Variants in AOAH observed in about 807,000 individuals in gnomAD.
AOAH encodes acyloxyacyl hydrolase (neutrophil).
A neutral mutation model predicts 92.2 loss-of-function variants in AOAH; 64 were observed. That is an observed-to-expected ratio of 0.69 (90% CI 0.57 to 0.86). The LOEUF (loss-of-function observed/expected upper bound fraction) is 0.86. AOAH is among the 40% of genes least tolerant of loss of function. The pLI is 0.00. For synonymous variants in AOAH, 263 were observed against 254.5 expected, an observed-to-expected ratio of 1.03 and a Z score of -0.32; for missense variants, 656 against 694.6, an observed-to-expected ratio of 0.94 and a Z score of 0.62.
chr7:36,676,651 C>A (rs1418468216), intron 2 of AOAH, among the ~76,000 whole-genome samples: 1 of 152,072 alleles, frequency 6.6e-6, no homozygotes, highest in Non-Finnish European at 1.5e-5. Flanking sequence ...AACACCAAAA[C>A]AATATTGAAA....
chr7:36,566,067 G>A (rs1479072440), intron 13 of AOAH, among the ~76,000 whole-genome samples: 1 of 147,148 alleles, frequency 6.8e-6, no homozygotes. Context: ...TGTCTTTCAT[G>A]ACCTTGACGC....
chr7:36,681,310 A>T (rs1796628112), intron 2 of AOAH, among the ~76,000 whole-genome samples: 1 of 152,216 alleles, frequency 6.6e-6, no homozygotes, highest in South Asian at 2.1e-4. Context: ...CAAATAAAAT[A>T]TAGAACTTAT....
Position 36,724,313 on chromosome 7 carries a change from A to C in AOAH, c.-165T>G. 1.5e-6 allele frequency: 1 copy of C among 668,000 alleles called. No homozygotes were observed. Among genetic ancestry groups the C allele is most frequent in the Non-Finnish European group, 2.4e-6 (1 of 411,176 alleles). 41.4% of individuals were successfully genotyped at this position (668,000 alleles called of 1,614,324 possible). A position where few individuals can be genotyped will look rare whatever the true frequency, so the allele number is the denominator to read the frequency against. On this transcript the variant is annotated 5_prime_UTR_variant, in exon 1 of 21. Coordinates refer to ENST00000617537, the MANE Select transcript of AOAH (RefSeq NM_001637.4). The stretch of plus-strand genomic sequence containing the variant: ...ACATACACACTTTTCAATAAGTGTG[A>C]AGTGAATAAAAGCACACATAAACAC...
intron 11 of AOAH, among the ~76,000 whole-genome samples, chr7:36,602,878 G>A (rs1037030495): frequency 2.6e-5 from 4 of 152,152 alleles, no homozygotes; most frequent in East Asian, 1.9e-4. Context: ...CCCCATGACC[G>A]TGATCATAAA....
intron 13 of AOAH, among the ~76,000 whole-genome samples, chr7:36,573,324 G>A (rs942955785): frequency 5.9e-5 from 9 of 152,146 alleles, no homozygotes; most frequent in Admixed American, 2.6e-4. Flanking sequence ...CCCCTCCTCT[G>A]TTGATTGCAA....
At chr7:36,719,214 T>C (rs921183194) in intron 1 of AOAH, among the ~76,000 whole-genome samples, 1 of 152,230 alleles carries the variant, frequency 6.6e-6, no homozygotes, top group Non-Finnish European at 1.5e-5. Flanking sequence ...ACAGTCAGTG[T>C]CCAATAAATG....
At chr7:36,641,864 T>C (rs1334168021) in intron 4 of AOAH, among the ~76,000 whole-genome samples, 1 of 152,110 alleles carries the variant, frequency 6.6e-6, no homozygotes, top group Non-Finnish European at 1.5e-5. Context: ...GTCTGAAAAA[T>C]ACAGCCCTTT....
At chr7:36,658,180 C>T (rs80126971) in intron 4 of AOAH, among the ~76,000 whole-genome samples, 5,246 of 152,170 alleles carry the variant, frequency 0.034, 137 homozygotes, top group Middle Eastern at 0.092. Context: ...TATACACGTT[C>T]CTCAGGTAGT....
intron 15 of AOAH, among the ~76,000 whole-genome samples, chr7:36,543,950 T>TCTTTTC (rs1554282867): frequency 3.3e-5 from 4 of 122,866 alleles, no homozygotes; most frequent in South Asian, 2.6e-4. Flanking sequence ...TTTCTTTCTT[T>TCTTTTC]TTTTTTTTTT....
In AOAH at chr7:36,534,210, G is replaced by A. The variant is rs115489665; in HGVS notation, c.1307-1866C>T. On this transcript the variant is annotated intron_variant, in intron 16 of 20. Coordinates refer to ENST00000617537, the MANE Select transcript of AOAH (RefSeq NM_001637.4). ...AAGGCCCACCCTGGCCTTGCTCCAC[G>A]CTGCCTGATGCCCTCTCCTGCTGTC... Among the ~76,000 whole-genome samples, 369 of 152,324 alleles carry A rather than the reference G, an allele frequency of 2.4e-3. 3 individuals are homozygous for A. Among genetic ancestry groups the A allele is most frequent in the African/African-American group, 8.4e-3 (350 of 41,564 alleles).
At chr7:36,679,544 T>TTATACATTATTATATATATAATATG (rs1796504325) in intron 2 of AOAH, among the ~76,000 whole-genome samples, 1 of 134,774 alleles carries the variant, frequency 7.4e-6, no homozygotes, top group Non-Finnish European at 1.6e-5. Flanking sequence ...GCAGATATTG[T>TTATACATTATTATATATATAATATG]TATACATTAT....
intron 3 of AOAH, among the ~76,000 whole-genome samples, chr7:36,671,649 T>TTGTG (rs34363257): frequency 0.035 from 5,154 of 149,360 alleles, 184 homozygotes; most frequent in African/African-American, 0.091. Flanking sequence ...GTGCACGTGT[T>TTGTG]TGTGTGTGTG....
At chr7:36,538,457 A>G (rs1314510120) in intron 16 of AOAH, among the ~76,000 whole-genome samples, 1 of 152,202 alleles carries the variant, frequency 6.6e-6, no homozygotes, top group African/African-American at 2.4e-5. Context: ...TGCATGGCAT[A>G]TCGGAAAGAA....
intron 3 of AOAH, among the ~76,000 whole-genome samples, chr7:36,665,403 G>A (rs1197370572): frequency 2.6e-5 from 4 of 150,956 alleles, no homozygotes; most frequent in African/African-American, 9.7e-5. Flanking sequence ...CTGCAACCTT[G>A]CTATAATTGC....
In AOAH at chr7:36,594,079, G is replaced by A. The variant is rs141524303; in HGVS notation, c.938+260C>T. ...TTTCCTTGAATCAGAAAATTTCAGT[G>A]ATGTGTTTAGTATTTTCCATCAGAG... On this transcript the variant is annotated intron_variant, in intron 12 of 20. Transcript: ENST00000617537. 1.9e-3 allele frequency among the ~76,000 whole-genome samples: 294 copies of A among 152,268 alleles called. 1 individual carries two copies. Among genetic ancestry groups the A allele is most frequent in the African/African-American group, 6.7e-3 (277 of 41,544 alleles).
intron 12 of AOAH, among the ~76,000 whole-genome samples, chr7:36,590,004 C>T (rs868776824): frequency 5.3e-5 from 8 of 151,966 alleles, no homozygotes; most frequent in African/African-American, 7.3e-5. Flanking sequence ...AGTACAGTGG[C>T]GTGATCATAG....
At chr7:36,697,514 T>G (rs1420661118) in intron 1 of AOAH, among the ~76,000 whole-genome samples, 1 of 152,236 alleles carries the variant, frequency 6.6e-6, no homozygotes, top group African/African-American at 2.4e-5. Context: ...TGTCTCTGTC[T>G]GGATTTACAT....
At chr7:36,517,297 CT>C in intron 20 of AOAH, among the ~76,000 whole-genome samples, 1 of 73,284 alleles carries the variant, frequency 1.4e-5, no homozygotes, top group African/African-American at 6.3e-5. Flanking sequence ...TCTTTCTTTC[CT>C]TTCTTCTTTT....
intron 4 of AOAH, among the ~76,000 whole-genome samples, chr7:36,650,762 T>C (rs995515743): frequency 1.3e-5 from 2 of 152,176 alleles, no homozygotes; most frequent in African/African-American, 4.8e-5. Context: ...ATCCTATTTT[T>C]TACTAAACAA....
Sources: allele counts gnomAD v4.1 joint callset (sites outside exome capture counted in the v4.1 genomes callset), GRCh38; gene constraint gnomAD v4.1.1; transcripts MANE v1.5; gene names NCBI Gene and HGNC (gene_info 2026-07-23, HGNC 2026-07-21).